The following DOCK1 variants were observed in gnomAD, a reference collection of about 807,000 sequenced individuals.
DOCK1 encodes the protein dedicator of cytokinesis protein 1.
In DOCK1, 138 loss-of-function variants were observed where a neutral mutation model predicts 262.7. That is an observed-to-expected ratio of 0.53 (90% CI 0.46 to 0.61). The LOEUF (loss-of-function observed/expected upper bound fraction) is 0.61, where lower values mean the gene tolerates loss of function less well. Ranked by LOEUF, DOCK1 falls within the 20% of genes least tolerant of loss-of-function variation. The pLI is 0.00. For missense variants in DOCK1, 1,908 were observed against 2,370.7 expected, an observed-to-expected ratio of 0.80 and a Z score of 4.05; for synonymous variants, 866 against 867.4, an observed-to-expected ratio of 1.00 and a Z score of 0.03.
intron 38 of DOCK1, among the ~76,000 whole-genome samples, chr10:127,400,009 G>A (rs2067130109): frequency 6.6e-6 from 1 of 152,140 alleles, no homozygotes; most frequent in Admixed American, 6.5e-5. Flanking sequence ...GGGGACTCTG[G>A]GAAGGGACCA....
chr10:127,065,234 C>T (rs2045790684), intron 23 of DOCK1, among the ~76,000 whole-genome samples: 1 of 152,138 alleles, frequency 6.6e-6, no homozygotes, highest in East Asian at 1.9e-4. Flanking sequence ...TGGTCTCGAA[C>T]ACCTGACCTC....
intron 49 of DOCK1, 78 bp downstream of exon 49, chr10:127,439,303 C>T: frequency 1.4e-6 from 2 of 1,434,708 alleles, no homozygotes; most frequent in East Asian, 4.9e-5. Context: ...GCCAACAGGG[C>T]TGACGGTGGG....
chr10:127,256,692 G>T (rs1169457358), intron 28 of DOCK1, among the ~76,000 whole-genome samples: 1 of 152,190 alleles, frequency 6.6e-6, no homozygotes, highest in East Asian at 1.9e-4. Flanking sequence ...AGCTGGGTGT[G>T]TACGGAACCC....
At chr10:127,182,059 G>A (rs1429318637) in intron 27 of DOCK1, among the ~76,000 whole-genome samples, 1 of 152,178 alleles carries the variant, frequency 6.6e-6, no homozygotes, top group Non-Finnish European at 1.5e-5. Flanking sequence ...TGAGCAATGC[G>A]TGAGGAACTG....
intron 23 of DOCK1, among the ~76,000 whole-genome samples, chr10:127,079,196 C>T (rs1040905785): frequency 2.0e-5 from 3 of 152,124 alleles, no homozygotes; most frequent in Admixed American, 6.5e-5. Context: ...ATGCATTTAC[C>T]GGTGGTGTTG....
chr10:126,911,032 C>T (rs1230106137), intron 1 of DOCK1, among the ~76,000 whole-genome samples: 2 of 152,126 alleles, frequency 1.3e-5, no homozygotes, highest in Admixed American at 6.5e-5. Flanking sequence ...TTAGTGTGAA[C>T]CTAAGTCTTC....
chr10:127,196,793 C>T (rs1210883434), intron 27 of DOCK1, among the ~76,000 whole-genome samples: 1 of 152,068 alleles, frequency 6.6e-6, no homozygotes, highest in African/African-American at 2.4e-5. Flanking sequence ...CGGGGCTCCG[C>T]CACAGCGCGT....
At chr10:127,207,925 TTTAAGA>T (rs2057796989) in intron 27 of DOCK1, among the ~76,000 whole-genome samples, 2 of 152,158 alleles carry the variant, frequency 1.3e-5, no homozygotes, top group Admixed American at 1.3e-4. Context: ...AGACCCAAAT[TTTAAGA>T]ATGAATTGAT....
In DOCK1 at chr10:127,002,470, A is replaced by G. The variant is rs140315575; in HGVS notation, c.985+2163A>G. Among the ~76,000 whole-genome samples the G allele has an allele frequency of 8.2e-3, 1,255 of 152,320 alleles. 13 individuals are homozygous for G. Among genetic ancestry groups the G allele is most frequent in the Non-Finnish European group, 0.013 (907 of 68,030 alleles). ...GTTGATATTCCAGGAAAGTCTAGGT[A>G]CTAATGGATGGAGAGGGTGATGGGC... is the stretch of plus-strand genomic sequence containing the variant. On this transcript the variant is annotated intron_variant, in intron 10 of 51. Transcript: ENST00000623213.
chr10:127,336,685 G>A lies in DOCK1; in HGVS notation c.3045-2321G>A, dbSNP rs528207576. 6.0e-3 allele frequency among the ~76,000 whole-genome samples: 907 copies of A among 152,062 alleles called. 10 individuals are homozygous for A. Among genetic ancestry groups the A allele is most frequent in the African/African-American group, 0.021 (875 of 41,480 alleles). The stretch of plus-strand genomic sequence containing the variant: ...CTCCCAAGTAGCTGGGACTGCAGGT[G>A]CCCGCCACCACACCCAGCTAATTTT... On this transcript the variant is annotated intron_variant, in intron 29 of 51. Coordinates refer to ENST00000623213, the MANE Select transcript of DOCK1 (RefSeq NM_001290223.2).
At chr10:127,246,804 T>G (rs2059445702) in intron 27 of DOCK1, among the ~76,000 whole-genome samples, 1 of 152,186 alleles carries the variant, frequency 6.6e-6, no homozygotes, top group African/African-American at 2.4e-5. Context: ...TAAAAGACAT[T>G]TAGGCATTCT....
At chr10:127,042,799 T>C (rs1311974460) in intron 20 of DOCK1, 85 bp downstream of exon 20, 2 of 1,396,038 alleles carry the variant, frequency 1.4e-6, no homozygotes, top group East Asian at 4.6e-5. Flanking sequence ...GGGGGCTTCG[T>C]CACAGTGACC....
chr10:127,329,166 A>C (rs1238356116), intron 29 of DOCK1, among the ~76,000 whole-genome samples: 8 of 152,080 alleles, frequency 5.3e-5, no homozygotes, highest in Non-Finnish European at 7.3e-5. Context: ...AAAAGACTCC[A>C]GTGGCAGCTG....
intron 29 of DOCK1, among the ~76,000 whole-genome samples, chr10:127,272,391 C>T (rs185614303): frequency 1.2e-4 from 19 of 152,260 alleles, no homozygotes; most frequent in African/African-American, 4.3e-4. Context: ...TCGGCAGCTA[C>T]CGGCTCCATG....
chr10:127,342,972 T>C (rs1003357036), intron 30 of DOCK1, among the ~76,000 whole-genome samples: 5 of 152,168 alleles, frequency 3.3e-5, no homozygotes, highest in African/African-American at 1.2e-4. Context: ...TGGCCAGGCA[T>C]GGTGGCTCAC....
At chr10:127,177,692 A>G (rs1250317052) in intron 27 of DOCK1, among the ~76,000 whole-genome samples, 5 of 152,158 alleles carry the variant, frequency 3.3e-5, no homozygotes, top group Non-Finnish European at 7.4e-5. Flanking sequence ...GGTGTCTGAA[A>G]AACCAGCCCA....
At chr10:127,070,250 C>CTTTTTTTT (rs71032535) in intron 23 of DOCK1, among the ~76,000 whole-genome samples, 14 of 92,942 alleles carry the variant, frequency 1.5e-4, no homozygotes, top group Non-Finnish European at 1.8e-4. Flanking sequence ...GAATTTAGCC[C>CTTTTTTTT]TTTTTTTTTT....
In DOCK1 at chr10:127,012,778, G is replaced by A. The variant is rs528710744; in HGVS notation, c.1201+404G>A. On this transcript the variant is annotated intron_variant, in intron 12 of 51. Coordinates refer to ENST00000623213, the MANE Select transcript of DOCK1 (RefSeq NM_001290223.2). This position sits in a 1 kb window ranked among gnomAD's most constrained non-coding sequence, Gnocchi z 4.0. ...GTTCTGTCATTTAAGTGATTTCTCC[G>A]CCCCTACACTCCGCCTCACACTCAC... is the stretch of plus-strand genomic sequence containing the variant. 8.6e-5 allele frequency among the ~76,000 whole-genome samples: 13 copies of A among 151,716 alleles called. No individual in the cohort carries two copies. Among genetic ancestry groups the A allele is most frequent in the South Asian group, 2.1e-4 (1 of 4,790 alleles).
intron 1 of DOCK1, among the ~76,000 whole-genome samples, chr10:126,949,828 G>T (rs1591413784): frequency 1.3e-5 from 2 of 151,894 alleles, no homozygotes; most frequent in Admixed American, 1.3e-4. Flanking sequence ...GTTTTATGAG[G>T]GCTATTTGGG....
Sources: gnomAD v4.1 joint callset for allele counts (sites outside exome capture counted in the v4.1 genomes callset) on GRCh38, gnomAD v4.1.1 for gene constraint, Gnocchi (gnomAD v3.1) non-coding constraint, MANE v1.5 for transcripts, NCBI Gene and HGNC (gene_info 2026-07-23, HGNC 2026-07-21) for gene names.